FGD4: variants seen among roughly 807,000 people sequenced by gnomAD.
The protein encoded by FGD4 is FYVE, RhoGEF and PH domain-containing protein 4.
In FGD4, 42 loss-of-function variants were observed where a neutral mutation model predicts 102.0. The observed-to-expected ratio is 0.41, with a 90% CI of 0.32 to 0.53. The LOEUF is 0.53. Ranked by LOEUF, FGD4 falls within the 20% of genes least tolerant of loss-of-function variation. The probability of loss-of-function intolerance (pLI) is 0.21; values close to 1 mark genes in which losing one functional copy is unlikely to be tolerated. For synonymous variants in FGD4, 380 were observed against 375.7 expected, an observed-to-expected ratio of 1.01 and a Z score of -0.13; for missense variants, 902 against 1,078.2, an observed-to-expected ratio of 0.84 and a Z score of 2.29.
intron 1 of FGD4, among the ~76,000 whole-genome samples, chr12:32,560,327 C>T (rs1944435616): frequency 6.6e-6 from 1 of 152,166 alleles, no homozygotes; most frequent in Admixed American, 6.5e-5. Context: ...TCACGGCTCA[C>T]TGTGGCCTCA....
chr12:32,600,367 G>A (rs1191438614), intron 5 of FGD4: 7 of 872,928 alleles, frequency 8.0e-6, no homozygotes, highest in African/African-American at 7.1e-5. Context: ...CTAACTATTG[G>A]AGCCTCTAAG....
intron 14 of FGD4, among the ~76,000 whole-genome samples, chr12:32,629,668 TCTCC>T (rs1950384953): frequency 1.3e-5 from 2 of 152,202 alleles, no homozygotes; most frequent in Admixed American, 1.3e-4. Flanking sequence ...TTCATCTCTA[TCTCC>T]CATTTTGTTC....
At chr12:32,457,968 A>G (rs1023279184) in intron 1 of FGD4, among the ~76,000 whole-genome samples, 2 of 152,156 alleles carry the variant, frequency 1.3e-5, no homozygotes, top group African/African-American at 4.8e-5. Context: ...TTAATTAGGT[A>G]ACATAATTTC....
At chr12:32,579,048 T>TTTTTTTTG in intron 3 of FGD4, among the ~76,000 whole-genome samples, 1 of 139,608 alleles carries the variant, frequency 7.2e-6, no homozygotes, top group Non-Finnish European at 1.5e-5. Context: ...GGTTTTTTTT[T>TTTTTTTTG]TTTTTTTTTT....
intron 1 of FGD4, among the ~76,000 whole-genome samples, chr12:32,412,594 G>C (rs1167070203): frequency 1.3e-5 from 2 of 152,080 alleles, no homozygotes; most frequent in African/African-American, 4.8e-5. Flanking sequence ...CTGGGCAATA[G>C]GGAGTCCCCT....
intron 1 of FGD4, among the ~76,000 whole-genome samples, chr12:32,420,601 G>T (rs528784739): frequency 6.6e-6 from 1 of 152,284 alleles, no homozygotes; most frequent in Non-Finnish European, 1.5e-5. Context: ...AGTGACGGTT[G>T]TTCATCTTTT....
intron 10 of FGD4, among the ~76,000 whole-genome samples, chr12:32,618,531 G>A (rs777409907): frequency 6.6e-5 from 10 of 151,758 alleles, no homozygotes; most frequent in Non-Finnish European, 1.5e-4. Context: ...TAAACAGTCT[G>A]GTTTAAAAAA....
At chr12:32,564,833 C>A (rs1356728607) in intron 2 of FGD4, among the ~76,000 whole-genome samples, 1 of 152,166 alleles carries the variant, frequency 6.6e-6, no homozygotes, top group Non-Finnish European at 1.5e-5. Flanking sequence ...TGGTAGGAAG[C>A]TTGAATGATT....
intron 1 of FGD4, among the ~76,000 whole-genome samples, chr12:32,439,413 T>G (rs1325662500): frequency 1.3e-5 from 2 of 152,246 alleles, no homozygotes; most frequent in Non-Finnish European, 2.9e-5. Context: ...AGTGCTGCAG[T>G]GAACATGGGG....
At chr12:32,631,824 G>T (rs1253037852) in intron 14 of FGD4, among the ~76,000 whole-genome samples, 1 of 151,966 alleles carries the variant, frequency 6.6e-6, no homozygotes, top group East Asian at 1.9e-4. Flanking sequence ...TTTTATCAGG[G>T]TAAGACTTTT....
At chr12:32,458,349 GT>G (rs369527171) in intron 1 of FGD4, among the ~76,000 whole-genome samples, 5,794 of 151,464 alleles carry the variant, frequency 0.038, 173 homozygotes, top group South Asian at 0.12. Flanking sequence ...TGTCTTTTGT[GT>G]TTTTTTTGTA....
intron 4 of FGD4, among the ~76,000 whole-genome samples, chr12:32,595,259 A>G (rs532909773): frequency 6.6e-6 from 1 of 152,316 alleles, no homozygotes; most frequent in African/African-American, 2.4e-5. Flanking sequence ...CCTTATAAGT[A>G]GTAATTGCTT....
At chr12:32,604,249 A>T (rs1441924499) in intron 7 of FGD4, among the ~76,000 whole-genome samples, 3 of 151,070 alleles carry the variant, frequency 2.0e-5, no homozygotes, top group South Asian at 2.1e-4. Flanking sequence ...ATTTTTTTTT[A>T]ATCATTTTCA....
intron 1 of FGD4, among the ~76,000 whole-genome samples, chr12:32,478,894 T>C (rs1450110563): frequency 6.6e-6 from 1 of 152,216 alleles, no homozygotes; most frequent in Non-Finnish European, 1.5e-5. Context: ...CTTCTGGATA[T>C]TCTCCATCCC....
chr12:32,453,197 ATAT>A (rs1469993783), intron 1 of FGD4, among the ~76,000 whole-genome samples: 93 of 33,608 alleles, frequency 2.8e-3, no homozygotes, highest in African/African-American at 4.5e-3. Context: ...TTTTATATAT[ATAT>A]TATATATATA....
At position 32,619,705 on chromosome 12, in the gene FGD4, A is replaced by C. The variant is rs1345193162; in HGVS notation, c.1757A>C (p.Asn586Thr). The C allele has an allele frequency of 6.2e-7, 1 of 1,614,002 alleles. No homozygotes were observed. The highest frequency in any genetic ancestry group is 1.3e-5 in the African/African-American group (1 of 74,894). ...AQERYLFLFN[N>T]MLLYCVPKFS... ...TGTTCTCGTTCCTTGCAGTTCAACA[A>C]CATGTTGCTGTACTGTGTGCCCAAA... Residue 586 changes from asparagine to threonine, a missense_variant, in exon 11 of 17, where the codon AAC becomes ACC. Asn to Thr is a moderately conservative substitution (Grantham distance 65). Coordinates refer to ENST00000534526, the MANE Select transcript of FGD4 (RefSeq NM_001370298.3).
At chr12:32,485,437 T>A (rs572699862) in intron 1 of FGD4, among the ~76,000 whole-genome samples, 1 of 17,368 alleles carries the variant, frequency 5.8e-5, no homozygotes, top group African/African-American at 8.5e-5. Flanking sequence ...TTAAGACCAA[T>A]TTTTTTTTTT....
At chr12:32,505,327 AT>A (rs1185856815) in intron 1 of FGD4, among the ~76,000 whole-genome samples, 2 of 152,196 alleles carry the variant, frequency 1.3e-5, no homozygotes, top group African/African-American at 4.8e-5. Context: ...TTAGATATAC[AT>A]TTACAGGATG....
intron 7 of FGD4, among the ~76,000 whole-genome samples, chr12:32,602,981 GC>G (rs1948523853): frequency 6.6e-6 from 1 of 152,070 alleles, no homozygotes. Context: ...TCCAGTGGTT[GC>G]TTTTAGGATT....
Sources: allele counts gnomAD v4.1 joint callset (sites outside exome capture counted in the v4.1 genomes callset), GRCh38; gene constraint gnomAD v4.1.1; transcripts MANE v1.5; gene names NCBI Gene and HGNC (gene_info 2026-07-23, HGNC 2026-07-21).